Variants in HM13 observed in about 807,000 individuals in gnomAD.
HM13 encodes signal peptide peptidase.
HM13 carries 18 observed loss-of-function variants against 50.0 expected under a neutral mutation model. The observed-to-expected ratio is 0.36, with a 90% CI of 0.25 to 0.53. The LOEUF (loss-of-function observed/expected upper bound fraction) is 0.53, where lower values mean the gene tolerates loss of function less well. Among genes scored for constraint, HM13 ranks in the 20% least tolerant of loss-of-function variants. HM13 has a pLI of 0.90. For synonymous variants in HM13, 197 were observed against 232.6 expected, an observed-to-expected ratio of 0.85 and a Z score of 1.39; for missense variants, 393 against 552.4, an observed-to-expected ratio of 0.71 and a Z score of 2.89.
At chr20:31,542,258 C>CA (rs1983488771) in intron 3 of HM13, among the ~76,000 whole-genome samples, 1 of 152,246 alleles carries the variant, frequency 6.6e-6, no homozygotes, top group Non-Finnish European at 1.5e-5. Context: ...GATTCAAACC[C>CA]AAGACATCCT....
intron 8 of HM13, among the ~76,000 whole-genome samples, chr20:31,558,269 C>G (rs564688396): frequency 2.0e-5 from 3 of 152,146 alleles, no homozygotes; most frequent in Admixed American, 6.5e-5. Context: ...TCCTGTGGAG[C>G]CTTCAAATAG....
At chr20:31,555,376 G>A (rs1984253280) in intron 8 of HM13, among the ~76,000 whole-genome samples, 1 of 152,184 alleles carries the variant, frequency 6.6e-6, no homozygotes, top group Admixed American at 6.5e-5. Context: ...TGCAGAGGCT[G>A]GCCTTTGAGC....
At chr20:31,551,621 G>A (rs1026533848) in intron 7 of HM13, among the ~76,000 whole-genome samples, 6 of 152,214 alleles carry the variant, frequency 3.9e-5, no homozygotes, top group African/African-American at 9.7e-5. Context: ...TCAGAGAGGG[G>A]AACAGAATCC....
intron 7 of HM13, among the ~76,000 whole-genome samples, chr20:31,551,933 C>T (rs1003361040): frequency 6.6e-6 from 1 of 152,194 alleles, no homozygotes; most frequent in Non-Finnish European, 1.5e-5. Context: ...AATAAACCTA[C>T]AAGACCTGGC....
At chr20:31,546,953 C>T (rs1983757965) in intron 4 of HM13, among the ~76,000 whole-genome samples, 1 of 152,084 alleles carries the variant, frequency 6.6e-6, no homozygotes, top group Non-Finnish European at 1.5e-5. Context: ...AGTAAAAAGG[C>T]TAGGCTTATA....
At chr20:31,567,387 A>G (rs1010832973) in intron 11 of HM13, among the ~76,000 whole-genome samples, 1 of 152,154 alleles carries the variant, frequency 6.6e-6, no homozygotes, top group African/African-American at 2.4e-5. Context: ...CACAAGGCAG[A>G]GGGTGCCCCT....
At chr20:31,521,873 T>C (rs1228240240) in intron 1 of HM13, among the ~76,000 whole-genome samples, 1 of 148,598 alleles carries the variant, frequency 6.7e-6, no homozygotes, top group Non-Finnish European at 1.5e-5. Flanking sequence ...TTTTTTTTTT[T>C]AATGGAGGCA....
intron 1 of HM13, among the ~76,000 whole-genome samples, chr20:31,518,066 A>C: frequency 6.9e-6 from 1 of 144,266 alleles, no homozygotes; most frequent in Admixed American, 7.0e-5. Flanking sequence ...ATGGAGTTTC[A>C]CTCTTGTTGC....
intron 7 of HM13, among the ~76,000 whole-genome samples, chr20:31,553,286 A>C: frequency 8.8e-6 from 1 of 114,278 alleles, no homozygotes; most frequent in African/African-American, 3.0e-5. Context: ...ACAGAGCGAG[A>C]CTCCATCTCA....
At chr20:31,562,757 T>A (rs1984690057) in intron 10 of HM13, 1 of 152,142 alleles carries the variant, frequency 6.6e-6, no homozygotes, top group African/African-American at 2.4e-5. Flanking sequence ...CAGTATTACT[T>A]TATAGAAGGT....
intron 1 of HM13, among the ~76,000 whole-genome samples, chr20:31,519,227 G>A (rs1481086844): frequency 1.3e-5 from 2 of 152,126 alleles, no homozygotes; most frequent in African/African-American, 2.4e-5. Flanking sequence ...TCAGCCTCCC[G>A]AGTAGCTGGG....
chr20:31,529,997 A>T (rs1982716675), intron 2 of HM13, among the ~76,000 whole-genome samples: 1 of 151,890 alleles, frequency 6.6e-6, no homozygotes, highest in South Asian at 2.1e-4. Context: ...ATTAAAAAAA[A>T]TATGTACATG....
intron 2 of HM13, among the ~76,000 whole-genome samples, chr20:31,537,778 G>A (rs1438534116): frequency 1.3e-5 from 2 of 152,152 alleles, no homozygotes; most frequent in Admixed American, 1.3e-4. Context: ...CCACTCTGTA[G>A]GGGATCCCTG....
At chr20:31,541,656 AAT>A (rs886910148) in intron 3 of HM13, 11 of 152,372 alleles carry the variant, frequency 7.2e-5, no homozygotes, top group African/African-American at 2.6e-4. Context: ...CAGTGAAAAT[AAT>A]TTTAGTAAGT....
At chr20:31,522,861 G>GA (rs11167233) in intron 1 of HM13, among the ~76,000 whole-genome samples, 40,929 of 149,974 alleles carry the variant, frequency 0.27, 8,295 homozygotes, top group African/African-American at 0.58. Context: ...GAGGCTTAGA[G>GA]AAAAAAAAAA....
intron 3 of HM13, chr20:31,539,260 C>T (rs1983296562): frequency 1.0e-5 from 10 of 985,548 alleles, no homozygotes; most frequent in Middle Eastern, 5.2e-4. Flanking sequence ...TATTCCCCAG[C>T]TTGTGACTAC....
chr20:31,514,582 G>C lies in HM13; in HGVS notation c.31G>C (p.Gly11Arg). The C allele has an allele frequency of 1.2e-6, 2 of 1,605,984 alleles. No homozygotes were observed. The highest frequency in any genetic ancestry group is 1.7e-6 in the Non-Finnish European group (2 of 1,177,680). Residue 11 changes from glycine (G) to arginine (R), a missense_variant, in exon 1 of 13, where the codon GGC becomes CGC. By Grantham distance (125) the Gly-to-Arg change is moderately radical (BLOSUM62 -2). Coordinates refer to ENST00000398174, the MANE Select transcript of HM13 (RefSeq NM_178581.3). The surrounding 1 kb of genome is among the most constrained non-coding windows in gnomAD (Gnocchi z 4.3). MDSALSDPHN[G>R]SAEAGGPTNS... Reference sequence around the variant, plus strand: ...CTCGGCCCTCAGCGATCCGCATAACGGCAGTGCCGAGGCAGGCGGCCCCAC... The same window carrying C: ...CTCGGCCCTCAGCGATCCGCATAACCGCAGTGCCGAGGCAGGCGGCCCCAC...
chr20:31,531,624 G>T (rs761256683), intron 2 of HM13, among the ~76,000 whole-genome samples: 2 of 151,308 alleles, frequency 1.3e-5, no homozygotes, highest in African/African-American at 2.4e-5. Context: ...TTTTGAGACG[G>T]AGTCTGTCAC....
intron 1 of HM13, among the ~76,000 whole-genome samples, chr20:31,520,510 G>T (rs1182502049): frequency 6.6e-6 from 1 of 151,924 alleles, no homozygotes; most frequent in Non-Finnish European, 1.5e-5. Flanking sequence ...CACCATGTTG[G>T]CCAGGCTGGT....
Sources: allele counts gnomAD v4.1 joint callset (sites outside exome capture counted in the v4.1 genomes callset), GRCh38; gene constraint gnomAD v4.1.1; non-coding constraint Gnocchi (gnomAD v3.1); transcripts MANE v1.5; gene names NCBI Gene and HGNC (gene_info 2026-07-23, HGNC 2026-07-21).